The following PIK3CD variants were observed in gnomAD, a reference collection of about 807,000 sequenced individuals.
The protein encoded by PIK3CD is phosphatidylinositol 4,5-bisphosphate 3-kinase catalytic subunit delta isoform.
PIK3CD carries 20 observed loss-of-function variants against 122.9 expected under a neutral mutation model. The ratio of observed to expected loss-of-function variants is 0.16; its 90% CI spans 0.11 to 0.24. The LOEUF is 0.24. Ranked by LOEUF, PIK3CD falls within the 10% of genes least tolerant of loss-of-function variation. The pLI is 1.00. For synonymous variants in PIK3CD, 596 were observed against 593.4 expected (o/e 1.00, Z -0.06); for missense variants, 787 against 1,406.3 (o/e 0.56, Z 7.04).
At chr1:9,684,119 C>T (rs1645874219) in intron 1 of PIK3CD, among the ~76,000 whole-genome samples, 1 of 152,116 alleles carries the variant, frequency 6.6e-6, no homozygotes, top group Admixed American at 6.6e-5. Context: ...ATCTCTGCTG[C>T]CATACTCTCT....
Position 9,715,856 on chromosome 1 carries a change from C to T in PIK3CD, c.378C>T (p.His126=), listed in dbSNP as rs774134910. ...QISLLIGKGL[H]EFDSLCDPEV... is the part of the protein sequence containing the mutation. ...GCCCTCCCCACCCCGCAGGCCTCCACGAGTTTGACTCCTTGTGCGACCCAG... is the reference window on the plus strand; with the variant it reads ...GCCCTCCCCACCCCGCAGGCCTCCATGAGTTTGACTCCTTGTGCGACCCAG... The change falls in exon 5 of 24, where the codon CAC becomes CAT. Residue 126 remains histidine, a synonymous_variant. Transcript: ENST00000377346. This position sits in a 1 kb window ranked among gnomAD's most constrained non-coding sequence, Gnocchi z 4.1. 31 of 1,612,196 alleles carry T rather than the reference C, an allele frequency of 1.9e-5. No individual in the cohort carries two copies. Among genetic ancestry groups the T allele is most frequent in the Middle Eastern group, 1.6e-4 (1 of 6,084 alleles).
At chr1:9,653,981 G>A (rs1389299522) in intron 1 of PIK3CD, 3 of 1,336,148 alleles carry the variant, frequency 2.2e-6, no homozygotes, top group Non-Finnish European at 3.0e-6. Context: ...CCAGACGGGA[G>A]GATCACTTGA....
At chr1:9,726,074 A>T (rs544064734) in intron 23 of PIK3CD, among the ~76,000 whole-genome samples, 1 of 150,164 alleles carries the variant, frequency 6.7e-6, no homozygotes, top group Admixed American at 6.6e-5. Flanking sequence ...TCAGCCAGGC[A>T]TGGTGGCACA....
chr1:9,709,439 G>A (rs189495634), intron 2 of PIK3CD, among the ~76,000 whole-genome samples: 66 of 152,078 alleles, frequency 4.3e-4, no homozygotes, highest in Admixed American at 2.7e-3. Context: ...GGATATGGTG[G>A]CTCATGTCTG....
intron 1 of PIK3CD, among the ~76,000 whole-genome samples, chr1:9,687,904 C>T (rs1021766537): frequency 6.9e-6 from 1 of 144,834 alleles, no homozygotes; most frequent in Admixed American, 6.8e-5. Context: ...TCCCTCTCTT[C>T]TCTCTCCTCC....
chr1:9,629,291 C>T, the PIK3CD span, among the ~76,000 whole-genome samples: 1 of 152,182 alleles, frequency 6.6e-6, no homozygotes, highest in South Asian at 2.1e-4. Flanking sequence ...CCCCCAGGCT[C>T]CTTCTCCTCT....
intron 1 of PIK3CD, among the ~76,000 whole-genome samples, chr1:9,658,270 C>G (rs1217046251): frequency 6.6e-6 from 1 of 151,220 alleles, no homozygotes; most frequent in Non-Finnish European, 1.5e-5. Context: ...CCTGTAGCCC[C>G]AGCTATGTGG....
rs780677464 is a variant in PIK3CD at position 9,720,703 on chromosome 1, C to T, written c.1522-39C>T. The stretch of plus-strand genomic sequence containing the variant: ...TGTGGGGTGGGGGGCATGGAGCCGG[C>T]GTGGAACCAGAGCCCTCACTCCTGC... On this transcript the variant is annotated intron_variant, in intron 12 of 23. Coordinates refer to ENST00000377346, the MANE Select transcript of PIK3CD (RefSeq NM_005026.5). The surrounding 1 kb of genome is among the most constrained non-coding windows in gnomAD (Gnocchi z 9.0). The T allele has an allele frequency of 1.1e-4, 181 of 1,588,810 alleles. No homozygotes were observed. Among genetic ancestry groups the T allele is most frequent in the Non-Finnish European group, 1.5e-4 (179 of 1,170,208 alleles).
the PIK3CD span, among the ~76,000 whole-genome samples, chr1:9,636,746 C>G: frequency 6.6e-6 from 1 of 152,308 alleles, no homozygotes; most frequent in South Asian, 2.1e-4. Flanking sequence ...TATGCCCCTC[C>G]TCCTACCCGG....
chr1:9,678,398 A>G (rs974764466), intron 1 of PIK3CD, among the ~76,000 whole-genome samples: 1 of 152,118 alleles, frequency 6.6e-6, no homozygotes, highest in African/African-American at 2.4e-5. Context: ...TGAGGCTGCC[A>G]TGAGCCTATT....
Position 9,724,337 on chromosome 1 carries a change from G to A in PIK3CD, c.2780G>A (p.Arg927His). ...GNFKTKFGINRERVPFILTYD... is the reference protein window; with the variant it reads ...GNFKTKFGINHERVPFILTYD... ...TTCAAGACCAAGTTTGGAATCAACCGCGAGCGTGTCCCATTCATCCTCACC... is the reference window on the plus strand; with the variant it reads ...TTCAAGACCAAGTTTGGAATCAACCACGAGCGTGTCCCATTCATCCTCACC... The change falls in exon 22 of 24, where the codon CGC (arginine) becomes CAC (histidine). Residue 927 changes from arginine (R) to histidine (H), a missense_variant. This residue lies in a region of PIK3CD where 17 missense variants were observed against 97.0 expected (regional missense o/e 0.18). Coordinates refer to ENST00000377346, the MANE Select transcript of PIK3CD (RefSeq NM_005026.5). This position sits in a 1 kb window ranked among gnomAD's most constrained non-coding sequence, Gnocchi z 7.3. 1 of 1,614,128 alleles carries A rather than the reference G, an allele frequency of 6.2e-7. No individual in the cohort carries two copies. Among genetic ancestry groups the A allele is most frequent in the Non-Finnish European group, 8.5e-7 (1 of 1,180,006 alleles).
At chr1:9,686,832 C>T (rs964177210) in intron 1 of PIK3CD, among the ~76,000 whole-genome samples, 3 of 152,212 alleles carry the variant, frequency 2.0e-5, no homozygotes, top group Non-Finnish European at 4.4e-5. Flanking sequence ...CACTTGGTCT[C>T]CTTGTGTCTG....
chr1:9,695,500 T>A (rs1020608189), intron 2 of PIK3CD, among the ~76,000 whole-genome samples: 1 of 152,024 alleles, frequency 6.6e-6, no homozygotes, highest in Non-Finnish European at 1.5e-5. Flanking sequence ...AAAGGCCACA[T>A]ACAGATCAGA....
At chr1:9,629,607 C>T in the PIK3CD span, among the ~76,000 whole-genome samples, 2 of 152,082 alleles carry the variant, frequency 1.3e-5, no homozygotes, top group African/African-American at 4.8e-5. Context: ...CTTCTCTGAG[C>T]GCACTTGCCT....
At chr1:9,639,353 TA>T in the PIK3CD span, among the ~76,000 whole-genome samples, 2 of 152,034 alleles carry the variant, frequency 1.3e-5, no homozygotes, top group African/African-American at 4.8e-5. Context: ...AGGAGCACCC[TA>T]GGTAGTGGTG....
Position 9,691,572 on chromosome 1 carries a change from G to A in PIK3CD, c.-33+1G>A. The stretch of plus-strand genomic sequence containing the variant: ...GTCTTTCTTGGACTATTCCAGAGAG[G>A]TAGGTTGGGGGAACGGGCCAAGTGT... On this transcript the variant is annotated splice_donor_variant, in intron 2 of 23. Transcript: ENST00000377346. LOFTEE classifies it low-confidence loss of function (5UTR_SPLICE). The A allele has an allele frequency of 2.5e-6, 1 of 398,618 alleles. No individual in the cohort carries two copies. The highest frequency in any genetic ancestry group is 3.6e-5 in the East Asian group (1 of 28,076). The allele number at this position is 398,618 out of a possible 1,614,324, so 24.7% of individuals were successfully genotyped here.
At position 9,717,760 on chromosome 1, in the gene PIK3CD, T is replaced by G; in HGVS notation, c.1020+134T>G. 1 of 832,736 alleles carries G rather than the reference T, an allele frequency of 1.2e-6. No homozygotes were observed. Among genetic ancestry groups the G allele is most frequent in the South Asian group, 1.5e-5 (1 of 65,208 alleles). The allele number at this position is 832,736 out of a possible 1,614,324, so 51.6% of individuals were successfully genotyped here. A position where few individuals can be genotyped will look rare whatever the true frequency, so the allele number is the denominator to read the frequency against. Reference sequence around the variant, plus strand: ...GACCACATTACCCAGCATCCCTGCCTGGGGCGCTGTGAGCGGCTTGAAAAC... The same window carrying G: ...GACCACATTACCCAGCATCCCTGCCGGGGGCGCTGTGAGCGGCTTGAAAAC... On this transcript the variant is annotated intron_variant, in intron 8 of 23. Transcript: ENST00000377346. This position sits in a 1 kb window ranked among gnomAD's most constrained non-coding sequence, Gnocchi z 5.4.
intron 1 of PIK3CD, chr1:9,660,805 A>T (rs1644989042): frequency 6.6e-6 from 1 of 152,126 alleles, no homozygotes; most frequent in Non-Finnish European, 1.5e-5. Flanking sequence ...AGTTTTAAGG[A>T]ACATTTGTAT....
At position 9,708,361 on chromosome 1, in the gene PIK3CD, T is replaced by C. The variant is rs550073983; in HGVS notation, c.-32-2063T>C. Among the ~76,000 whole-genome samples, 6 of 152,068 alleles carry C rather than the reference T, an allele frequency of 3.9e-5. No individual in the cohort carries two copies. The South Asian group carries it at 1.2e-3, about 32-fold the overall frequency. ...CACACCCAGCTAATTTTTGTATTTT[T>C]AGTGGAGACAGGATTTTGCCATGTT... On this transcript the variant is annotated intron_variant, in intron 2 of 23. Transcript: ENST00000377346.
Sources: gnomAD v4.1 joint callset for allele counts (sites outside exome capture counted in the v4.1 genomes callset) on GRCh38, gnomAD v4.1.1 for gene constraint, gnomAD v4.1.1 regional missense constraint, Gnocchi (gnomAD v3.1) non-coding constraint, MANE v1.5 for transcripts, NCBI Gene and HGNC (gene_info 2026-07-23, HGNC 2026-07-21) for gene names.